Variants in SAE1 observed in about 807,000 individuals in gnomAD.
The protein encoded by SAE1 is SUMO-activating enzyme subunit 1.
A neutral mutation model predicts 40.6 loss-of-function variants in SAE1; 11 were observed. That is an observed-to-expected ratio of 0.27 (90% CI 0.17 to 0.45). The LOEUF (loss-of-function observed/expected upper bound fraction) is 0.45. Among genes scored for constraint, SAE1 ranks in the 20% least tolerant of loss-of-function variants. The pLI is 1.00. For missense variants in SAE1, 373 were observed against 427.3 expected (o/e 0.87, Z 1.12); for synonymous variants, 155 against 154.3 (o/e 1.00, Z -0.03).
chr19:47,200,260 G>T (rs2058644831), intron 7 of SAE1, among the ~76,000 whole-genome samples: 1 of 148,534 alleles, frequency 6.7e-6, no homozygotes. Flanking sequence ...TTAAGATAGG[G>T]TCTCTCTCTG....
chr19:47,173,474 C>T (rs963795515), intron 6 of SAE1, among the ~76,000 whole-genome samples: 2 of 152,140 alleles, frequency 1.3e-5, no homozygotes, highest in African/African-American at 2.4e-5. Flanking sequence ...CCCCTCAGTT[C>T]AATGACCCCT....
Position 47,140,906 on chromosome 19 carries a change from C to T in SAE1, c.99-2588C>T, listed in dbSNP as rs309183. Among the ~76,000 whole-genome samples the T allele has an allele frequency of 5.5e-3, 832 of 152,062 alleles. 5 individuals are homozygous for T. Among genetic ancestry groups the T allele is most frequent in the African/African-American group, 0.019 (786 of 41,490 alleles). The stretch of plus-strand genomic sequence containing the variant: ...GTCTGTCACCTGGGATGGAGTGCAG[C>T]GGCACAGTCTTGGCTCATTGAAACC... On this transcript the variant is annotated intron_variant, in intron 1 of 8. Transcript: ENST00000270225.
chr19:47,164,793 C>A (rs2058381433), intron 5 of SAE1, among the ~76,000 whole-genome samples: 1 of 151,542 alleles, frequency 6.6e-6, no homozygotes, highest in South Asian at 2.1e-4. Flanking sequence ...GAACTACAGG[C>A]ACCTGCCACC....
At chr19:47,201,576 T>C (rs995107797) in intron 7 of SAE1, among the ~76,000 whole-genome samples, 1 of 151,192 alleles carries the variant, frequency 6.6e-6, no homozygotes, top group Non-Finnish European at 1.5e-5. Flanking sequence ...TTCACCATAT[T>C]GGCCAGACTG....
chr19:47,186,714 C>T (rs2058546791), intron 6 of SAE1, among the ~76,000 whole-genome samples: 1 of 152,186 alleles, frequency 6.6e-6, no homozygotes, highest in Non-Finnish European at 1.5e-5. Flanking sequence ...TAGCGAGGCA[C>T]AGCTTCTTTC....
At chr19:47,133,216 CTGTTTTTTGTT>C (rs1469379407) in intron 1 of SAE1, among the ~76,000 whole-genome samples, 4 of 152,148 alleles carry the variant, frequency 2.6e-5, no homozygotes, top group Admixed American at 2.0e-4. Flanking sequence ...GTAACATGAT[CTGTTTTTTGTT>C]TGTTTTTTGA....
intron 4 of SAE1, 115 bp from the exon 5 acceptor site, chr19:47,154,999 C>A: frequency 1.4e-6 from 1 of 690,754 alleles, no homozygotes; most frequent in African/African-American, 1.8e-5. Context: ...AGATCTGACT[C>A]CAAAGCTTTT....
At chr19:47,131,112 G>A (rs2058139276) in intron 1 of SAE1, 84 bp downstream of exon 1, 6 of 1,449,892 alleles carry the variant, frequency 4.1e-6, no homozygotes, top group African/African-American at 1.5e-5. Context: ...GGAGCGGGAA[G>A]GTGTGATTTG....
Position 47,175,234 on chromosome 19 carries a change from G to A in SAE1, c.733+5311G>A, listed in dbSNP as rs1040257798. Among the ~76,000 whole-genome samples the A allele has an allele frequency of 4.9e-5, 7 of 143,584 alleles. No homozygotes were observed. In the South Asian group the frequency reaches 6.7e-4, roughly 14 times the overall value. The allele number at this position is 143,584 out of a possible 152,430, so 94.2% of individuals were successfully genotyped here. A position where few individuals can be genotyped will look rare whatever the true frequency, so the allele number is the denominator to read the frequency against. ...GGTAAACTTTGTAGGCACTACTCTT[G>A]TTTCCATGTTCCTGGCACCTAAGTT... On this transcript the variant is annotated intron_variant, in intron 6 of 8. Transcript: ENST00000270225.
chr19:47,149,179 T>C (rs1361070351), intron 2 of SAE1, among the ~76,000 whole-genome samples: 2 of 145,604 alleles, frequency 1.4e-5, no homozygotes, highest in Non-Finnish European at 3.0e-5. Context: ...TTTTTTTTTT[T>C]TTTTTTTTTG....
At chr19:47,140,236 A>G (rs1600148722) in intron 1 of SAE1, among the ~76,000 whole-genome samples, 2 of 151,852 alleles carry the variant, frequency 1.3e-5, no homozygotes, top group East Asian at 1.9e-4. Context: ...CCTCCCGAGT[A>G]GCTGGGACTA....
chr19:47,164,269 C>T (rs1002242129), intron 5 of SAE1, among the ~76,000 whole-genome samples: 13 of 150,712 alleles, frequency 8.6e-5, no homozygotes, highest in Admixed American at 1.3e-4. Context: ...CCTGGGTTCA[C>T]GCCATTCTCC....
chr19:47,175,202 G>C (rs558415481), intron 6 of SAE1, among the ~76,000 whole-genome samples: 51 of 137,998 alleles, frequency 3.7e-4, no homozygotes, highest in Non-Finnish European at 5.8e-4. Flanking sequence ...GGATATCCAA[G>C]TTGAGTGGTA....
intron 2 of SAE1, among the ~76,000 whole-genome samples, chr19:47,145,499 G>C: frequency 6.6e-6 from 1 of 152,136 alleles, no homozygotes; most frequent in East Asian, 1.9e-4. Flanking sequence ...CTCCAATGTA[G>C]CTTTCTCTGA....
At chr19:47,152,382 C>T (rs983786688) in intron 3 of SAE1, among the ~76,000 whole-genome samples, 2 of 152,050 alleles carry the variant, frequency 1.3e-5, no homozygotes, top group East Asian at 1.9e-4. Context: ...AGTTTCACAC[C>T]GCAATCTGTG....
chr19:47,209,451 G>C lies in SAE1; in HGVS notation c.*200G>C. On this transcript the variant is annotated 3_prime_UTR_variant, in exon 9 of 9. Coordinates refer to ENST00000270225, the MANE Select transcript of SAE1 (RefSeq NM_005500.3). ...GCTGCTCGACAAGGGGCGCAGGGTG[G>C]CTGTCTTTGTTCCAGCACTGTTCAG... 1 of 889,870 alleles carries C rather than the reference G, an allele frequency of 1.1e-6. No homozygotes were observed. The highest frequency in any genetic ancestry group is 1.7e-6 in the Non-Finnish European group (1 of 585,082). The allele number at this position is 889,870 out of a possible 1,614,324, so 55.1% of individuals were successfully genotyped here.
At chr19:47,196,375 C>CTTTTTTTTTTTTT (rs2058616163) in intron 6 of SAE1, among the ~76,000 whole-genome samples, 3 of 28,262 alleles carry the variant, frequency 1.1e-4, no homozygotes, top group African/African-American at 1.7e-4. Context: ...TTTAATTTTA[C>CTTTTTTTTTTTTT]TTTTTTGAGA....
chr19:47,140,431 T>C (rs1354704244), intron 1 of SAE1, among the ~76,000 whole-genome samples: 1 of 151,994 alleles, frequency 6.6e-6, no homozygotes, highest in Non-Finnish European at 1.5e-5. Context: ...TTTGTAATTT[T>C]AGTAGAGATG....
chr19:47,191,537 A>G (rs184528378), intron 6 of SAE1, among the ~76,000 whole-genome samples: 3 of 152,298 alleles, frequency 2.0e-5, no homozygotes, highest in Non-Finnish European at 4.4e-5. Flanking sequence ...CTTATAGGGC[A>G]CAGTCTGAGG....
Sources: allele counts gnomAD v4.1 joint callset (sites outside exome capture counted in the v4.1 genomes callset), GRCh38; gene constraint gnomAD v4.1.1; transcripts MANE v1.5; gene names NCBI Gene and HGNC (gene_info 2026-07-23, HGNC 2026-07-21).